TENM3: variants seen among roughly 807,000 people sequenced by gnomAD.
TENM3 encodes teneurin-3.
Under a neutral mutation model 255.1 loss-of-function variants are expected in TENM3, and 63 were observed. The observed-to-expected ratio is 0.25, with a 90% confidence interval of 0.20 to 0.30. The LOEUF is 0.30. TENM3 is among the 10% of genes least tolerant of loss of function. The probability of loss-of-function intolerance (pLI) is 1.00; values close to 1 mark genes in which losing one functional copy is unlikely to be tolerated. For missense variants in TENM3, 2,929 were observed against 3,461.1 expected (o/e 0.85, Z 3.86); for synonymous variants, 1,306 against 1,322.3 (o/e 0.99, Z 0.27).
chr4:182,205,183 T>A (rs931902043), intron 1 of TENM3, among the ~76,000 whole-genome samples: 6 of 152,356 alleles, frequency 3.9e-5, no homozygotes, highest in African/African-American at 1.2e-4. Flanking sequence ...ACAAAACAAA[T>A]GGAAACTCTT....
the TENM3 span, among the ~76,000 whole-genome samples, chr4:182,123,069 C>G: frequency 6.6e-6 from 1 of 152,184 alleles, no homozygotes; most frequent in Non-Finnish European, 1.5e-5. Flanking sequence ...CCTCGTCTCT[C>G]TCAGCCTTCT....
intron 3 of TENM3, among the ~76,000 whole-genome samples, chr4:182,503,457 A>T (rs919903960): frequency 6.6e-5 from 10 of 152,168 alleles, no homozygotes; most frequent in Admixed American, 6.5e-4. Context: ...CTTCTGCTGC[A>T]GGGTCTTTGC....
the TENM3 span, among the ~76,000 whole-genome samples, chr4:181,506,276 T>C: frequency 6.6e-6 from 1 of 152,092 alleles, no homozygotes; most frequent in Non-Finnish European, 1.5e-5. Context: ...TTTTGATTTC[T>C]CACAAATCAT....
the TENM3 span, among the ~76,000 whole-genome samples, chr4:182,119,668 A>G: frequency 1.3e-5 from 2 of 152,042 alleles, no homozygotes; most frequent in Non-Finnish European, 2.9e-5. Flanking sequence ...GAGACTTCTA[A>G]GCTCCTTAAA....
intron 3 of TENM3, among the ~76,000 whole-genome samples, chr4:182,481,991 C>A (rs188583219): frequency 6.6e-6 from 1 of 152,084 alleles, no homozygotes; most frequent in South Asian, 2.1e-4. Context: ...AGACAGTGCA[C>A]AACACTGAAG....
At chr4:182,102,538 C>G in the TENM3 span, among the ~76,000 whole-genome samples, 2 of 152,040 alleles carry the variant, frequency 1.3e-5, no homozygotes, top group African/African-American at 4.8e-5. Flanking sequence ...CTCATCTTAT[C>G]AAATGACAAA....
chr4:182,146,050 C>G (rs1217755357), intron 1 of TENM3, among the ~76,000 whole-genome samples: 1 of 152,090 alleles, frequency 6.6e-6, no homozygotes, highest in Non-Finnish European at 1.5e-5. Flanking sequence ...AAAATAATGA[C>G]GCATATCCCT....
the TENM3 span, among the ~76,000 whole-genome samples, chr4:182,065,145 C>CT: frequency 2.6e-5 from 4 of 151,488 alleles, no homozygotes; most frequent in African/African-American, 9.7e-5. Flanking sequence ...AGCGATTCTC[C>CT]TGCCTCAGCC....
At chr4:182,091,343 C>T in the TENM3 span, among the ~76,000 whole-genome samples, 15 of 152,146 alleles carry the variant, frequency 9.9e-5, no homozygotes, top group Non-Finnish European at 2.1e-4. Flanking sequence ...GAATGAGTTG[C>T]AAGGGTGAAA....
intron 1 of TENM3, among the ~76,000 whole-genome samples, chr4:182,195,657 A>T (rs1314399448): frequency 6.6e-6 from 1 of 152,106 alleles, no homozygotes; most frequent in African/African-American, 2.4e-5. Context: ...ATATAAAAAA[A>T]CCTTGAAATA....
chr4:182,218,357 A>AAT, intron 1 of TENM3, among the ~76,000 whole-genome samples: 1 of 152,296 alleles, frequency 6.6e-6, no homozygotes, highest in East Asian at 1.9e-4. Flanking sequence ...ATTATAATTG[A>AAT]ATATATTATA....
At chr4:181,683,441 C>T in the TENM3 span, among the ~76,000 whole-genome samples, 1 of 152,094 alleles carries the variant, frequency 6.6e-6, no homozygotes, top group African/African-American at 2.4e-5. Context: ...ATTAGACTCA[C>T]TTGGCAAGTT....
At chr4:182,414,674 G>T (rs1263008984) in intron 3 of TENM3, among the ~76,000 whole-genome samples, 1 of 152,128 alleles carries the variant, frequency 6.6e-6, no homozygotes, top group Admixed American at 6.6e-5. Flanking sequence ...TTTAAAATAT[G>T]TATAATATTG....
chr4:181,715,727 G>A, the TENM3 span, among the ~76,000 whole-genome samples: 2 of 152,134 alleles, frequency 1.3e-5, no homozygotes, highest in Non-Finnish European at 2.9e-5. Flanking sequence ...TCAATCATTG[G>A]GACAACAAAA....
chr4:181,609,670 A>G, the TENM3 span, among the ~76,000 whole-genome samples: 1 of 152,222 alleles, frequency 6.6e-6, no homozygotes, highest in African/African-American at 2.4e-5. Context: ...AGGTGAGAAA[A>G]AGCAAAATAG....
the TENM3 span, among the ~76,000 whole-genome samples, chr4:181,768,178 T>C: frequency 6.6e-6 from 1 of 152,206 alleles, no homozygotes; most frequent in Non-Finnish European, 1.5e-5. Flanking sequence ...TTACTTTTAA[T>C]CAGTAGTTCT....
chr4:182,005,511 C>A, the TENM3 span, among the ~76,000 whole-genome samples: 2 of 152,168 alleles, frequency 1.3e-5, no homozygotes, highest in Non-Finnish European at 2.9e-5. Flanking sequence ...GTGATGTCTC[C>A]AGCTTTTCTC....
At chr4:181,489,974 T>G in the TENM3 span, among the ~76,000 whole-genome samples, 1 of 152,214 alleles carries the variant, frequency 6.6e-6, no homozygotes, top group Non-Finnish European at 1.5e-5. Flanking sequence ...TTGCACAGAA[T>G]TAAGATTATA....
At chr4:181,686,448 T>A in the TENM3 span, among the ~76,000 whole-genome samples, 3 of 152,098 alleles carry the variant, frequency 2.0e-5, no homozygotes, top group African/African-American at 7.2e-5. Flanking sequence ...AGACTGAACT[T>A]CATATTTCAG....
Sources: gnomAD v4.1 joint callset for allele counts (sites outside exome capture counted in the v4.1 genomes callset) on GRCh38, gnomAD v4.1.1 for gene constraint, MANE v1.5 for transcripts, NCBI Gene and HGNC (gene_info 2026-07-23, HGNC 2026-07-21) for gene names.